GALNT13: variants seen among roughly 807,000 people sequenced by gnomAD.
GALNT13 encodes the protein polypeptide N-acetylgalactosaminyltransferase 13.
Under a neutral mutation model 64.2 loss-of-function variants are expected in GALNT13, and 28 were observed. The observed-to-expected ratio is 0.44, with a 90% confidence interval of 0.32 to 0.60. The LOEUF (loss-of-function observed/expected upper bound fraction) is 0.60. Among genes scored for constraint, GALNT13 ranks in the 20% least tolerant of loss-of-function variants. The pLI is 0.05. For missense variants in GALNT13, 577 were observed against 669.8 expected (o/e 0.86, Z 1.53); for synonymous variants, 214 against 224.6 (o/e 0.95, Z 0.42).
chr2:153,259,003 C>T, the GALNT13 span, among the ~76,000 whole-genome samples: 9 of 152,188 alleles, frequency 5.9e-5, no homozygotes, highest in South Asian at 2.1e-4. Flanking sequence ...GTTTCTTTGT[C>T]GGTTCTCTTT....
chr2:153,582,250 G>A, the GALNT13 span, among the ~76,000 whole-genome samples: 1 of 152,088 alleles, frequency 6.6e-6, no homozygotes, highest in Non-Finnish European at 1.5e-5. Context: ...ATTGCATTCA[G>A]TTTTCACTTG....
At chr2:154,191,501 A>G (rs1236176080) in intron 4 of GALNT13, among the ~76,000 whole-genome samples, 1 of 152,206 alleles carries the variant, frequency 6.6e-6, no homozygotes, top group South Asian at 2.1e-4. Context: ...AGAAATTCAG[A>G]GGGGTAACAT....
the GALNT13 span, among the ~76,000 whole-genome samples, chr2:153,440,487 A>G: frequency 3.3e-5 from 5 of 152,258 alleles, no homozygotes; most frequent in African/African-American, 1.2e-4. Context: ...TGCTGGGTCA[A>G]ATGGTATTTC....
the GALNT13 span, among the ~76,000 whole-genome samples, chr2:153,563,699 T>C: frequency 6.1e-3 from 929 of 151,904 alleles, 13 homozygotes; most frequent in African/African-American, 0.021. Context: ...TTCTTTCTCC[T>C]TCACTCTTAG....
chr2:153,798,077 G>A, the GALNT13 span, among the ~76,000 whole-genome samples: 1 of 152,112 alleles, frequency 6.6e-6, no homozygotes, highest in Admixed American at 6.6e-5. Context: ...CAGAATATTT[G>A]TGTGCATGCT....
At chr2:153,267,193 G>C in the GALNT13 span, among the ~76,000 whole-genome samples, 1 of 152,236 alleles carries the variant, frequency 6.6e-6, no homozygotes, top group Non-Finnish European at 1.5e-5. Flanking sequence ...CTTTGCACCT[G>C]TGGCTCTGTA....
chr2:153,583,799 G>C, the GALNT13 span, among the ~76,000 whole-genome samples: 12 of 152,310 alleles, frequency 7.9e-5, no homozygotes, highest in South Asian at 1.7e-3. Flanking sequence ...AATCCTAGCT[G>C]TTAGGGAAAC....
At chr2:153,188,029 A>T in the GALNT13 span, among the ~76,000 whole-genome samples, 10 of 152,032 alleles carry the variant, frequency 6.6e-5, no homozygotes, top group Non-Finnish European at 4.4e-5. Context: ...TTAAAATATC[A>T]CCAAAATGGT....
the GALNT13 span, among the ~76,000 whole-genome samples, chr2:153,247,924 C>T: frequency 2.6e-5 from 4 of 152,212 alleles, no homozygotes; most frequent in Admixed American, 6.5e-5. Context: ...TCAGAAAATA[C>T]GATAAACAGC....
intron 11 of GALNT13, among the ~76,000 whole-genome samples, chr2:154,428,765 C>CT (rs1251762761): frequency 6.7e-6 from 1 of 150,246 alleles, no homozygotes; most frequent in Non-Finnish European, 1.5e-5. Context: ...TTGTGATGAT[C>CT]TATGATCAGT....
intron 3 of GALNT13, among the ~76,000 whole-genome samples, chr2:154,127,286 A>T (rs544352126): frequency 6.6e-6 from 1 of 152,276 alleles, no homozygotes; most frequent in South Asian, 2.1e-4. Context: ...GTGACCACTG[A>T]TACGTATTTC....
chr2:153,757,243 A>G, the GALNT13 span, among the ~76,000 whole-genome samples: 1 of 152,082 alleles, frequency 6.6e-6, no homozygotes, highest in Non-Finnish European at 1.5e-5. Flanking sequence ...TTAGCTTCTT[A>G]GCTTCCACAT....
At chr2:153,627,896 T>C in the GALNT13 span, among the ~76,000 whole-genome samples, 1 of 152,106 alleles carries the variant, frequency 6.6e-6, no homozygotes, top group Non-Finnish European at 1.5e-5. Flanking sequence ...AGAAGGTCAT[T>C]GGTAGCTTGA....
At chr2:153,507,453 G>A in the GALNT13 span, among the ~76,000 whole-genome samples, 1 of 151,852 alleles carries the variant, frequency 6.6e-6, no homozygotes, top group African/African-American at 2.4e-5. Flanking sequence ...GCTAAGTTTT[G>A]TATTTTTAGT....
intron 4 of GALNT13, among the ~76,000 whole-genome samples, chr2:154,152,977 G>A (rs1471083267): frequency 3.3e-5 from 5 of 152,310 alleles, no homozygotes; most frequent in East Asian, 1.9e-4. Flanking sequence ...CTGGTGAGGA[G>A]CTGCGTTCCT....
At chr2:153,715,164 C>T in the GALNT13 span, among the ~76,000 whole-genome samples, 6 of 152,186 alleles carry the variant, frequency 3.9e-5, no homozygotes, top group Non-Finnish European at 1.5e-5. Flanking sequence ...CCTCACACAG[C>T]TCAGTTATTA....
chr2:153,350,339 A>G, the GALNT13 span, among the ~76,000 whole-genome samples: 7 of 151,152 alleles, frequency 4.6e-5, no homozygotes, highest in Admixed American at 1.3e-4. Flanking sequence ...TGCATGCATC[A>G]TAGTATCATT....
intron 4 of GALNT13, among the ~76,000 whole-genome samples, chr2:154,179,486 A>C (rs1391472210): frequency 6.6e-6 from 1 of 152,160 alleles, no homozygotes; most frequent in African/African-American, 2.4e-5. Flanking sequence ...TTTTAAAATT[A>C]AAAGTATATA....
At chr2:153,135,219 C>T in the GALNT13 span, among the ~76,000 whole-genome samples, 1 of 152,062 alleles carries the variant, frequency 6.6e-6, no homozygotes, top group African/African-American at 2.4e-5. Flanking sequence ...ATAAGGCTAC[C>T]AATCTTATTG....
Sources: allele counts gnomAD v4.1 joint callset (sites outside exome capture counted in the v4.1 genomes callset), GRCh38; gene constraint gnomAD v4.1.1; transcripts MANE v1.5; gene names NCBI Gene and HGNC (gene_info 2026-07-23, HGNC 2026-07-21).